The following ACOT13 variants were observed in gnomAD, a reference collection of about 807,000 sequenced individuals.
The protein encoded by ACOT13 is acyl-coenzyme A thioesterase 13.
ACOT13 carries 10 observed loss-of-function variants against 11.8 expected under a neutral mutation model. That is an observed-to-expected ratio of 0.85 (90% CI 0.53 to 1.44). ACOT13 has a LOEUF of 1.44. ACOT13 is among the 40% of genes most tolerant of loss of function. ACOT13 has a pLI of 0.00. For missense variants in ACOT13, 172 were observed against 174.1 expected (o/e 0.99, Z 0.07); for synonymous variants, 53 against 61.0 (o/e 0.87, Z 0.61).
chr6:24,699,551 CT>C (rs1244208555), intron 2 of ACOT13, among the ~76,000 whole-genome samples: 1 of 152,212 alleles, frequency 6.6e-6, no homozygotes, highest in Non-Finnish European at 1.5e-5. Context: ...ATCAAGTTTA[CT>C]TAAGAAACAT....
intron 1 of ACOT13, among the ~76,000 whole-genome samples, chr6:24,667,809 C>T (rs1436001269): frequency 2.6e-5 from 4 of 152,212 alleles, no homozygotes; most frequent in African/African-American, 9.6e-5. Flanking sequence ...TGGGAAATTT[C>T]TCAAAGGCAC....
chr6:24,673,968 T>A (rs1191510682), intron 1 of ACOT13, among the ~76,000 whole-genome samples: 2 of 152,232 alleles, frequency 1.3e-5, no homozygotes, highest in African/African-American at 4.8e-5. Flanking sequence ...AAAAATTTGT[T>A]TTATAACTTC....
intron 2 of ACOT13, 128 bp downstream of exon 2, chr6:24,698,195 A>G (rs1778830471): frequency 1.2e-5 from 10 of 849,698 alleles, no homozygotes; most frequent in Non-Finnish European, 1.7e-5. Context: ...AACTGCACCT[A>G]TAGATTTTGT....
chr6:24,695,290 CAG>C (rs764703624), intron 1 of ACOT13, among the ~76,000 whole-genome samples: 3 of 152,172 alleles, frequency 2.0e-5, no homozygotes, highest in Non-Finnish European at 2.9e-5. Flanking sequence ...GCCTGGGTGA[CAG>C]AGCGAGACTC....
In ACOT13 at chr6:24,676,562, A is replaced by C. The variant is rs1778458084; in HGVS notation, c.81+9218A>C. ...GTATAGGAATGCTTGTGATTTTTGCACATTGATTTTGTATCCTGAGACTTT... is the reference window on the plus strand; with the variant it reads ...GTATAGGAATGCTTGTGATTTTTGCCCATTGATTTTGTATCCTGAGACTTT... On this transcript the variant is annotated intron_variant, in intron 1 of 2. Transcript: ENST00000230048. 2.0e-5 allele frequency among the ~76,000 whole-genome samples: 3 copies of C among 152,264 alleles called. No individual in the cohort carries two copies. The South Asian group carries it at 6.2e-4, about 32-fold the overall frequency.
At chr6:24,674,264 G>A (rs1297534045) in intron 1 of ACOT13, among the ~76,000 whole-genome samples, 1 of 152,130 alleles carries the variant, frequency 6.6e-6, no homozygotes, top group Non-Finnish European at 1.5e-5. Context: ...TCACCATGTT[G>A]ATCAAGCTGG....
chr6:24,692,079 CCTT>C (rs1252694747), intron 1 of ACOT13, among the ~76,000 whole-genome samples: 3 of 152,124 alleles, frequency 2.0e-5, no homozygotes, highest in South Asian at 2.1e-4. Flanking sequence ...TATCCTATAT[CCTT>C]CTGAGTGAGT....
chr6:24,698,525 T>TA (rs1778835929), intron 2 of ACOT13, among the ~76,000 whole-genome samples: 1 of 151,846 alleles, frequency 6.6e-6, no homozygotes, highest in South Asian at 2.1e-4. Flanking sequence ...TATTTAATTT[T>TA]AAAAATACCA....
chr6:24,704,508 G>C lies in ACOT13; in HGVS notation c.*2893G>C, dbSNP rs1562165853. 1 of 152,180 alleles carries C rather than the reference G, an allele frequency of 6.6e-6. No individual in the cohort carries two copies. The highest frequency in any genetic ancestry group is 2.4e-5 in the African/African-American group (1 of 41,434). The allele number at this position is 152,180 out of a possible 1,614,324, so 9.4% of individuals were successfully genotyped here. ...AGCTTGAGCAAGTTACTTAACCTCT[G>C]CATCTATTTCCACCAAAGGTTGAGA... On this transcript the variant is annotated 3_prime_UTR_variant, in exon 3 of 3. Coordinates refer to ENST00000230048, the MANE Select transcript of ACOT13 (RefSeq NM_018473.4).
At chr6:24,701,365 GTAAAA>G (rs1204850221) in intron 2 of ACOT13, 89 bp from the exon 3 acceptor site, 3 of 1,134,906 alleles carry the variant, frequency 2.6e-6, no homozygotes, top group African/African-American at 1.6e-5. Flanking sequence ...ATTTTTAGGA[GTAAAA>G]TAAGTTACAT....
intron 1 of ACOT13, among the ~76,000 whole-genome samples, chr6:24,694,785 A>G (rs1320783840): frequency 6.6e-6 from 1 of 152,334 alleles, no homozygotes; most frequent in African/African-American, 2.4e-5. Context: ...AGGCATTTAT[A>G]TTGCCATATC....
In ACOT13 at chr6:24,667,344, G is replaced by C. The variant is rs939826325; in HGVS notation, c.81G>C (p.Lys27Asn). 1.2e-6 allele frequency: 2 copies of C among 1,613,936 alleles called. No individual in the cohort carries two copies. Among genetic ancestry groups the C allele is most frequent in the African/African-American group, 1.3e-5 (1 of 74,924 alleles). The change falls in exon 1 of 3, where the codon AAG becomes AAC. Residue 27 changes from lysine to asparagine, a missense_variant and splice_region_variant. Coordinates refer to ENST00000230048, the MANE Select transcript of ACOT13 (RefSeq NM_018473.4). ...GCAATTTTGAGAGAGTTTTGGGAAA[G>C]GTATGGGAAAGGTAGGGGAGAAGCC... ...KARNFERVLG[K>N]ITLVSAAPGK...
At chr6:24,685,720 G>A (rs1403746561) in intron 1 of ACOT13, among the ~76,000 whole-genome samples, 1 of 151,848 alleles carries the variant, frequency 6.6e-6, no homozygotes, top group Admixed American at 6.5e-5. Context: ...CTCCCCGAGG[G>A]ACATTGGCAA....
rs1001217209 is a variant in ACOT13, at chr6:24,672,985, C to A, written c.81+5641C>A. ...TGAAGATGACAGCTTCAATTGCTGT[C>A]AGTGTTTAAGATTTAGTAGGACTTG... On this transcript the variant is annotated intron_variant, in intron 1 of 2. Coordinates refer to ENST00000230048, the MANE Select transcript of ACOT13 (RefSeq NM_018473.4). Among the ~76,000 whole-genome samples the A allele has an allele frequency of 9.2e-5, 14 of 152,254 alleles. No homozygotes were observed. The South Asian group carries it at 1.9e-3, about 20-fold the overall frequency.
At chr6:24,686,865 C>A (rs1239175201) in intron 1 of ACOT13, among the ~76,000 whole-genome samples, 1 of 152,080 alleles carries the variant, frequency 6.6e-6, no homozygotes, top group Non-Finnish European at 1.5e-5. Context: ...CCATCTCCAG[C>A]TAATTTTTAA....
chr6:24,693,106 C>T (rs1004855347), intron 1 of ACOT13, among the ~76,000 whole-genome samples: 1 of 152,216 alleles, frequency 6.6e-6, no homozygotes, highest in African/African-American at 2.4e-5. Context: ...CACCTCCTGT[C>T]ATCTGCAGTG....
At chr6:24,695,777 C>T (rs1267704601) in intron 1 of ACOT13, among the ~76,000 whole-genome samples, 5 of 152,064 alleles carry the variant, frequency 3.3e-5, no homozygotes, top group South Asian at 2.1e-4. Context: ...TATAAACAGA[C>T]GATCATAGGC....
Position 24,703,353 on chromosome 6 carries a change from A to G in ACOT13, c.*1738A>G, listed in dbSNP as rs951580280. The G allele has an allele frequency of 6.6e-6, 1 of 152,232 alleles. No individual in the cohort carries two copies. Among genetic ancestry groups the G allele is most frequent in the African/African-American group, 2.4e-5 (1 of 41,464 alleles). The allele number at this position is 152,232 out of a possible 1,614,324, so 9.4% of individuals were successfully genotyped here. A position where few individuals can be genotyped will look rare whatever the true frequency, so the allele number is the denominator to read the frequency against. The stretch of plus-strand genomic sequence containing the variant: ...AAGGGCAGAAGACTCCACAGTAGCA[A>G]TAGCAGCAGTGAGCATACAGGAGTC... On this transcript the variant is annotated 3_prime_UTR_variant, in exon 3 of 3. Transcript: ENST00000230048.
At chr6:24,668,262 A>G (rs953450611) in intron 1 of ACOT13, among the ~76,000 whole-genome samples, 2 of 151,720 alleles carry the variant, frequency 1.3e-5, no homozygotes, top group African/African-American at 4.9e-5. Context: ...TCTGTTGCCC[A>G]TGCGGGAGTG....
Sources: gnomAD v4.1 joint callset for allele counts (sites outside exome capture counted in the v4.1 genomes callset) on GRCh38, gnomAD v4.1.1 for gene constraint, MANE v1.5 for transcripts, NCBI Gene and HGNC (gene_info 2026-07-23, HGNC 2026-07-21) for gene names.